Variants in ABCD3 observed in about 807,000 individuals in gnomAD.
ABCD3 encodes the protein ATP-binding cassette sub-family D member 3.
ABCD3 carries 41 observed loss-of-function variants against 105.5 expected under a neutral mutation model. The ratio of observed to expected loss-of-function variants is 0.39; its 90% CI spans 0.30 to 0.50. The LOEUF (loss-of-function observed/expected upper bound fraction) is 0.50. Ranked by LOEUF, ABCD3 falls within the 20% of genes least tolerant of loss-of-function variation. ABCD3 has a pLI of 0.84. For missense variants in ABCD3, 622 were observed against 806.3 expected, an observed-to-expected ratio of 0.77 and a Z score of 2.77; for synonymous variants, 258 against 269.0, an observed-to-expected ratio of 0.96 and a Z score of 0.40.
At position 94,462,004 on chromosome 1, in the gene ABCD3, T is replaced by C. The variant is rs1423557446; in HGVS notation, c.148-2771T>C. On this transcript the variant is annotated intron_variant, in intron 2 of 22. Coordinates refer to ENST00000370214, the MANE Select transcript of ABCD3 (RefSeq NM_002858.4). The stretch of plus-strand genomic sequence containing the variant: ...TATTTCAAACATCTTTTTCAGTCAG[T>C]CTCACCTACGGTGATTGACGTATCA... 2.0e-5 allele frequency among the ~76,000 whole-genome samples: 3 copies of C among 152,340 alleles called. No homozygotes were observed. In the East Asian group the frequency reaches 5.8e-4, roughly 29 times the overall value.
At chr1:94,452,044 A>G (rs72727492) in intron 1 of ABCD3, among the ~76,000 whole-genome samples, 11,867 of 152,246 alleles carry the variant, frequency 0.078, 641 homozygotes, top group Middle Eastern at 0.18. Flanking sequence ...ATCTTGGGAT[A>G]ATCCTTGGGT....
At chr1:94,496,126 G>A (rs771246141) in intron 16 of ABCD3, among the ~76,000 whole-genome samples, 1 of 152,086 alleles carries the variant, frequency 6.6e-6, no homozygotes, top group Non-Finnish European at 1.5e-5. Context: ...CCATTTCTAA[G>A]TGTATAATTT....
intron 8 of ABCD3, chr1:94,478,870 A>T: frequency 4.1e-6 from 1 of 244,612 alleles, no homozygotes; most frequent in East Asian, 9.1e-5. Flanking sequence ...ATGGTTGGCT[A>T]TCCCATGAGC....
At chr1:94,409,923 G>A in the ABCD3 span, among the ~76,000 whole-genome samples, 12 of 152,174 alleles carry the variant, frequency 7.9e-5, no homozygotes, top group African/African-American at 2.7e-4. Flanking sequence ...AGATGGGAAC[G>A]GTGCTACTGG....
intron 1 of ABCD3, among the ~76,000 whole-genome samples, chr1:94,435,820 A>G (rs1315024873): frequency 6.6e-6 from 1 of 152,210 alleles, no homozygotes; most frequent in Admixed American, 6.5e-5. Context: ...GTTATTACCT[A>G]AAAGTGACCA....
the ABCD3 span, among the ~76,000 whole-genome samples, chr1:94,412,154 C>T: frequency 6.6e-6 from 1 of 152,086 alleles, no homozygotes; most frequent in Non-Finnish European, 1.5e-5. Flanking sequence ...GTCATGTGAA[C>T]GTCACCTCAT....
In ABCD3 at chr1:94,464,788, AG is replaced by A; in HGVS notation, c.163del (p.Glu55SerfsTer17). The part of the protein sequence containing the change: ...PLQNNEKEGK[K>X]ERAVVDKVFF... ...TTTTTAATGCAGAAAGAGGGGAAAA[AG>A]GAGCGAGCTGTGGTGGACAAGGTGT... On this transcript the variant is annotated frameshift_variant, in exon 3 of 23. Transcript: ENST00000370214. LOFTEE classifies it high-confidence loss of function. The A allele has an allele frequency of 6.2e-6, 10 of 1,613,304 alleles. No individual in the cohort carries two copies. The highest frequency in any genetic ancestry group is 8.5e-6 in the Non-Finnish European group (10 of 1,179,544).
chr1:94,385,801 C>A, the ABCD3 span, among the ~76,000 whole-genome samples: 1 of 152,010 alleles, frequency 6.6e-6, no homozygotes, highest in African/African-American at 2.4e-5. Flanking sequence ...CTAAAGACAT[C>A]AATTCTCATA....
intron 1 of ABCD3, among the ~76,000 whole-genome samples, chr1:94,451,543 GT>G (rs1647259541): frequency 6.6e-6 from 1 of 152,022 alleles, no homozygotes; most frequent in Admixed American, 6.5e-5. Context: ...TTATATTTTT[GT>G]TTCCCAAAGG....
chr1:94,427,695 G>A (rs974118005), intron 1 of ABCD3, among the ~76,000 whole-genome samples: 2 of 152,134 alleles, frequency 1.3e-5, no homozygotes, highest in Non-Finnish European at 2.9e-5. Context: ...GGCTAGTCTC[G>A]AATTTCTGGT....
intron 22 of ABCD3, 68 bp from the exon 23 acceptor site, chr1:94,516,984 C>A: frequency 9.1e-7 from 1 of 1,094,500 alleles, no homozygotes; most frequent in Non-Finnish European, 1.4e-6. Flanking sequence ...CTGTATTTTA[C>A]TTTTCATAAA....
chr1:94,475,502 A>C, intron 6 of ABCD3, 112 bp from the exon 7 acceptor site: 1 of 1,193,792 alleles, frequency 8.4e-7, no homozygotes, highest in Non-Finnish European at 1.2e-6. Context: ...TTCTGGCTCC[A>C]AACTTTTTTG....
intron 21 of ABCD3, among the ~76,000 whole-genome samples, chr1:94,511,506 T>G (rs1229761133): frequency 3.3e-5 from 5 of 152,258 alleles, no homozygotes; most frequent in Admixed American, 1.3e-4. Context: ...CTTTGTGGTG[T>G]TCTCTGTATT....
At chr1:94,472,820 A>G (rs1310208175) in intron 4 of ABCD3, among the ~76,000 whole-genome samples, 1 of 152,188 alleles carries the variant, frequency 6.6e-6, no homozygotes, top group Non-Finnish European at 1.5e-5. Context: ...AATGTTTTAT[A>G]TAAATATGTC....
chr1:94,483,115 A>G, intron 9 of ABCD3, 55 bp from the exon 10 acceptor site: 1 of 1,177,472 alleles, frequency 8.5e-7, no homozygotes. Flanking sequence ...TATTTCAATT[A>G]TTTTCCAAGC....
intron 16 of ABCD3, among the ~76,000 whole-genome samples, chr1:94,494,973 C>T (rs1250624992): frequency 1.3e-5 from 2 of 152,222 alleles, no homozygotes; most frequent in East Asian, 3.9e-4. Flanking sequence ...CCTGGTTACG[C>T]AGGCGGCTGA....
At chr1:94,409,868 A>G in the ABCD3 span, among the ~76,000 whole-genome samples, 1 of 152,220 alleles carries the variant, frequency 6.6e-6, no homozygotes, top group Non-Finnish European at 1.5e-5. Flanking sequence ...AAGGCTCAGC[A>G]AAGTATCCAA....
chr1:94,451,313 A>T (rs1647238257), intron 1 of ABCD3, among the ~76,000 whole-genome samples: 1 of 152,144 alleles, frequency 6.6e-6, no homozygotes, highest in African/African-American at 2.4e-5. Flanking sequence ...TTAGTGCTTG[A>T]TAATTTTTTA....
At chr1:94,413,997 T>C (rs915619055), upstream of ABCD3, among the ~76,000 whole-genome samples, 2 of 151,898 alleles carry the variant, frequency 1.3e-5, no homozygotes, top group Non-Finnish European at 2.9e-5. Flanking sequence ...GATGTTAGGG[T>C]AGGAAGGGAT....
Sources: gnomAD v4.1 joint callset for allele counts (sites outside exome capture counted in the v4.1 genomes callset) on GRCh38, gnomAD v4.1.1 for gene constraint, MANE v1.5 for transcripts, NCBI Gene and HGNC (gene_info 2026-07-23, HGNC 2026-07-21) for gene names.